The following PCDH7 variants were observed in gnomAD, a reference collection of about 807,000 sequenced individuals.
PCDH7 encodes protocadherin-7.
PCDH7 carries 17 observed loss-of-function variants against 58.9 expected under a neutral mutation model. That is an observed-to-expected ratio of 0.29 (90% confidence interval 0.20 to 0.43). PCDH7 has a LOEUF of 0.43. PCDH7 is among the 20% of genes least tolerant of loss of function. The pLI is 1.00. For synonymous variants in PCDH7, 664 were observed against 616.4 expected (o/e 1.08, Z -1.14); for missense variants, 1,274 against 1,441.0 (o/e 0.88, Z 1.88).
intron 1 of PCDH7, among the ~76,000 whole-genome samples, chr4:30,775,199 A>G (rs1721904332): frequency 6.6e-6 from 1 of 152,212 alleles, no homozygotes; most frequent in Admixed American, 6.5e-5. Context: ...ATTGTACACC[A>G]TAAGCAGTCT....
At chr4:30,747,935 AATAG>A (rs1717984042) in intron 1 of PCDH7, among the ~76,000 whole-genome samples, 1 of 152,188 alleles carries the variant, frequency 6.6e-6, no homozygotes. Context: ...TTTATTACTG[AATAG>A]ATACTTTATT....
chr4:31,064,658 G>A (rs190052290), intron 3 of PCDH7, among the ~76,000 whole-genome samples: 41 of 151,950 alleles, frequency 2.7e-4, no homozygotes, highest in Admixed American at 6.6e-4. Flanking sequence ...CTGTCCTCAC[G>A]TGATGTTCAC....
At chr4:31,141,829 G>A (rs946905272) in intron 3 of PCDH7, among the ~76,000 whole-genome samples, 1 of 152,086 alleles carries the variant, frequency 6.6e-6, no homozygotes, top group Non-Finnish European at 1.5e-5. Flanking sequence ...AGGGGGGTGA[G>A]GGGATGTGGG....
intron 1 of PCDH7, among the ~76,000 whole-genome samples, chr4:30,815,344 AG>A (rs1039270838): frequency 1.3e-4 from 20 of 152,064 alleles, no homozygotes; most frequent in Non-Finnish European, 2.2e-4. Context: ...TGAGTTTTAG[AG>A]CAAGAATGAG....
intron 3 of PCDH7, among the ~76,000 whole-genome samples, chr4:31,048,370 C>T (rs950166162): frequency 2.6e-5 from 4 of 151,950 alleles, no homozygotes; most frequent in African/African-American, 9.7e-5. Context: ...AAAATTTAGT[C>T]ATTCTGTTTT....
At chr4:30,904,145 T>C (rs1740593536) in intron 1 of PCDH7, among the ~76,000 whole-genome samples, 1 of 152,186 alleles carries the variant, frequency 6.6e-6, no homozygotes. Flanking sequence ...AACCAGGATC[T>C]ACAACCTACT....
intron 3 of PCDH7, among the ~76,000 whole-genome samples, chr4:31,000,660 A>G (rs1408834148): frequency 1.3e-5 from 2 of 152,138 alleles, no homozygotes; most frequent in East Asian, 3.9e-4. Flanking sequence ...TTTTCCCTCT[A>G]TTCCTCAATT....
At chr4:31,036,722 C>T (rs75091556) in intron 3 of PCDH7, among the ~76,000 whole-genome samples, 5,687 of 152,166 alleles carry the variant, frequency 0.037, 377 homozygotes, top group African/African-American at 0.13. Flanking sequence ...AAAGTCAGTA[C>T]GACTTTGAAA....
chr4:30,728,071 A>T (rs1476204736), intron 1 of PCDH7, among the ~76,000 whole-genome samples: 1 of 151,786 alleles, frequency 6.6e-6, no homozygotes, highest in Non-Finnish European at 1.5e-5. Context: ...AACTTCAGTG[A>T]CAGTTTCAGT....
intron 3 of PCDH7, among the ~76,000 whole-genome samples, chr4:31,025,748 C>T (rs531329874): frequency 3.9e-5 from 6 of 152,254 alleles, no homozygotes; most frequent in Middle Eastern, 3.4e-3. Context: ...TTCAGAGATT[C>T]CAAGCCTAGT....
At chr4:30,973,207 T>A (rs1056736229) in intron 3 of PCDH7, among the ~76,000 whole-genome samples, 23 of 152,180 alleles carry the variant, frequency 1.5e-4, no homozygotes, top group Non-Finnish European at 1.0e-4. Context: ...ACCTCTAGAT[T>A]GAACAGATTT....
chr4:30,725,309 C>T, intron 1 of PCDH7: 1 of 990,952 alleles, frequency 1.0e-6, no homozygotes, highest in Non-Finnish European at 1.2e-6. Flanking sequence ...AGTTTGCAAA[C>T]AAAAATACAT....
At chr4:30,738,218 C>T (rs1486463412) in intron 1 of PCDH7, among the ~76,000 whole-genome samples, 1 of 152,160 alleles carries the variant, frequency 6.6e-6, no homozygotes, top group Non-Finnish European at 1.5e-5. Context: ...TAGTCCATGA[C>T]AGAATCTATT....
intron 1 of PCDH7, among the ~76,000 whole-genome samples, chr4:30,894,514 T>TACACAC (rs1739103593): frequency 2.1e-5 from 1 of 48,038 alleles, no homozygotes; most frequent in African/African-American, 1.3e-4. Context: ...TATATATATA[T>TACACAC]ATACACACAC....
intron 1 of PCDH7, among the ~76,000 whole-genome samples, chr4:30,813,932 G>T (rs903388172): frequency 6.6e-6 from 1 of 152,084 alleles, no homozygotes; most frequent in African/African-American, 2.4e-5. Flanking sequence ...GAGCTACCGC[G>T]CCCAATCGGC....
intron 1 of PCDH7, among the ~76,000 whole-genome samples, chr4:30,754,145 T>C (rs1718945538): frequency 6.6e-6 from 1 of 150,420 alleles, no homozygotes; most frequent in Non-Finnish European, 1.5e-5. Context: ...ACTGTCAAGA[T>C]TTGCTGCAAA....
At position 30,720,728 on chromosome 4, in the gene PCDH7, C is replaced by T. The variant is rs1041133979; in HGVS notation, c.-695C>T. On this transcript the variant is annotated 5_prime_UTR_variant, in exon 1 of 2. Transcript: ENST00000361762. This position sits in a 1 kb window ranked among gnomAD's most constrained non-coding sequence, Gnocchi z 4.7. ...CTGCACCGTGCCCGAAGCGACGTGC[C>T]GGGGGATTTTTCATTCTCGATCTGT... The T allele has an allele frequency of 6.6e-6, 1 of 152,438 alleles. No homozygotes were observed. The highest frequency in any genetic ancestry group is 1.5e-5 in the Non-Finnish European group (1 of 68,270). The allele number at this position is 152,438 out of a possible 1,614,324, so 9.4% of individuals were successfully genotyped here. A position where few individuals can be genotyped will look rare whatever the true frequency, so the allele number is the denominator to read the frequency against.
At chr4:30,916,890 G>A (rs552274639) in intron 1 of PCDH7, among the ~76,000 whole-genome samples, 1 of 152,216 alleles carries the variant, frequency 6.6e-6, no homozygotes, top group South Asian at 2.1e-4. Context: ...GATTCACTGG[G>A]TTTAAGTTGG....
chr4:30,949,811 A>G (rs1471643544), intron 2 of PCDH7, among the ~76,000 whole-genome samples: 1 of 152,118 alleles, frequency 6.6e-6, no homozygotes, highest in Non-Finnish European at 1.5e-5. Flanking sequence ...TGTTGTAAAA[A>G]AAAGTTATGC....
Sources: allele counts gnomAD v4.1 joint callset (sites outside exome capture counted in the v4.1 genomes callset), GRCh38; gene constraint gnomAD v4.1.1; non-coding constraint Gnocchi (gnomAD v3.1); transcripts MANE v1.5; gene names NCBI Gene and HGNC (gene_info 2026-07-23, HGNC 2026-07-21).